The following CACNA1A variants were observed in gnomAD, a reference collection of about 807,000 sequenced individuals.
CACNA1A encodes calcium voltage-gated channel subunit alpha1 A.
CACNA1A carries 57 observed loss-of-function variants against 262.4 expected under a neutral mutation model. The observed-to-expected ratio is 0.22, with a 90% CI of 0.18 to 0.27. CACNA1A has a LOEUF of 0.27. CACNA1A is among the 10% of genes least tolerant of loss of function. CACNA1A has a pLI of 1.00. For synonymous variants in CACNA1A, 1,431 were observed against 1,419.3 expected (o/e 1.01, Z -0.18); for missense variants, 2,526 against 3,562.8 (o/e 0.71, Z 7.41).
In CACNA1A at chr19:13,397,715, A is replaced by G. The variant is rs573494797; in HGVS notation, c.540-25936T>C. 1.6e-4 allele frequency among the ~76,000 whole-genome samples: 24 copies of G among 152,286 alleles called. No homozygotes were observed. In the South Asian group the frequency reaches 4.2e-3, roughly 26 times the overall value. ...GATGCTCAGTTAGACTCCATTTCCC[A>G]GCTCTGCAAGTGGGTGCCGCCATGT... is the stretch of plus-strand genomic sequence containing the variant. On this transcript the variant is annotated intron_variant, in intron 3 of 46. Transcript: ENST00000360228.
At chr19:13,297,381 C>T (rs568471101) in intron 19 of CACNA1A, among the ~76,000 whole-genome samples, 1 of 152,300 alleles carries the variant, frequency 6.6e-6, no homozygotes, top group African/African-American at 2.4e-5. Context: ...TTGAGGAGCT[C>T]ACTCAATCTC....
intron 30 of CACNA1A, 200 bp downstream of exon 30, chr19:13,252,791 C>T: frequency 2.3e-6 from 1 of 436,300 alleles, no homozygotes; most frequent in Non-Finnish European, 4.1e-6. Context: ...CATATGGTAA[C>T]ACTCACAGGT....
intron 30 of CACNA1A, among the ~76,000 whole-genome samples, chr19:13,247,336 G>C (rs1036779769): frequency 3.0e-4 from 45 of 152,214 alleles, no homozygotes; most frequent in Admixed American, 2.9e-3. Context: ...GTGCGTCGCT[G>C]AGCATGGAAT....
At chr19:13,501,062 T>TATA (rs1875176485) in intron 1 of CACNA1A, among the ~76,000 whole-genome samples, 1 of 151,722 alleles carries the variant, frequency 6.6e-6, no homozygotes, top group Admixed American at 6.6e-5. Context: ...ACTGTGGGGG[T>TATA]ATTTTAGGGT....
chr19:13,437,637 G>A (rs1186065409), intron 3 of CACNA1A, among the ~76,000 whole-genome samples: 2 of 139,918 alleles, frequency 1.4e-5, no homozygotes, highest in Non-Finnish European at 3.0e-5. Context: ...GTTGCAGTGA[G>A]CCAAGATCAC....
chr19:13,327,597 G>A (rs1457081836), intron 10 of CACNA1A, among the ~76,000 whole-genome samples: 4 of 150,188 alleles, frequency 2.7e-5, no homozygotes, highest in African/African-American at 9.7e-5. Context: ...TTTTTTGATG[G>A]AGTTTCACTC....
At chr19:13,399,571 T>C (rs941731186) in intron 3 of CACNA1A, among the ~76,000 whole-genome samples, 1 of 152,168 alleles carries the variant, frequency 6.6e-6, no homozygotes, top group Non-Finnish European at 1.5e-5. Context: ...AATCCTCTAA[T>C]GAGCACGACC....
chr19:13,421,095 T>C (rs1183606616), intron 3 of CACNA1A, among the ~76,000 whole-genome samples: 1 of 152,116 alleles, frequency 6.6e-6, no homozygotes, highest in Admixed American at 6.6e-5. Flanking sequence ...TCAAGACCAG[T>C]TAAGTTTTGA....
intron 8 of CACNA1A, among the ~76,000 whole-genome samples, chr19:13,333,438 CTT>C (rs1035794429): frequency 6.7e-6 from 1 of 150,268 alleles, no homozygotes; most frequent in Non-Finnish European, 1.5e-5. Context: ...ACTTCCTACT[CTT>C]TTTTTTTTCT....
intron 17 of CACNA1A, 103 bp from the exon 18 acceptor site, chr19:13,300,759 C>T (rs1372044535): frequency 1.6e-5 from 14 of 893,776 alleles, no homozygotes; most frequent in Admixed American, 1.8e-5. Context: ...AATATTTCGA[C>T]CAATCAGAAC....
intron 6 of CACNA1A, among the ~76,000 whole-genome samples, chr19:13,338,828 C>T (rs530178267): frequency 4.5e-4 from 68 of 151,990 alleles, no homozygotes; most frequent in Non-Finnish European, 6.6e-4. Context: ...ACTTATAATC[C>T]GCGGATTTTT....
At chr19:13,295,483 C>T (rs2057644987) in intron 19 of CACNA1A, among the ~76,000 whole-genome samples, 2 of 145,604 alleles carry the variant, frequency 1.4e-5, no homozygotes, top group African/African-American at 5.1e-5. Context: ...TGGGTTTTTT[C>T]TTTCTTTCTT....
chr19:13,402,915 T>C (rs547827140), intron 3 of CACNA1A, among the ~76,000 whole-genome samples: 58 of 122,002 alleles, frequency 4.8e-4, no homozygotes, highest in African/African-American at 1.5e-3. Context: ...TATATATATA[T>C]ACTTGCAAGT....
intron 6 of CACNA1A, among the ~76,000 whole-genome samples, chr19:13,349,560 T>C (rs1024688695): frequency 6.6e-6 from 1 of 152,202 alleles, no homozygotes; most frequent in South Asian, 2.1e-4. Flanking sequence ...CCACCAGCTC[T>C]TGTCTCCAGC....
chr19:13,268,756 A>G (rs2056935670), intron 24 of CACNA1A, among the ~76,000 whole-genome samples: 1 of 151,400 alleles, frequency 6.6e-6, no homozygotes. Context: ...AAAACACAGA[A>G]TGGTTTAAAT....
chr19:13,378,517 C>T (rs1422878732), intron 3 of CACNA1A, among the ~76,000 whole-genome samples: 2 of 152,054 alleles, frequency 1.3e-5, no homozygotes, highest in East Asian at 1.9e-4. Context: ...ATGTCACAGG[C>T]ACCCCAATCT....
chr19:13,430,358 T>A (rs942664981), intron 3 of CACNA1A, among the ~76,000 whole-genome samples: 2 of 151,980 alleles, frequency 1.3e-5, no homozygotes, highest in Non-Finnish European at 2.9e-5. Flanking sequence ...AGGCGTGCAA[T>A]GCCACGCCCA....
chr19:13,419,729 T>C (rs1168491717), intron 3 of CACNA1A, among the ~76,000 whole-genome samples: 1 of 151,956 alleles, frequency 6.6e-6, no homozygotes, highest in African/African-American at 2.4e-5. Context: ...GATCTGTAGA[T>C]TTTGTTATCT....
At chr19:13,467,129 C>G (rs773833956) in intron 1 of CACNA1A, among the ~76,000 whole-genome samples, 8 of 151,982 alleles carry the variant, frequency 5.3e-5, no homozygotes, top group Non-Finnish European at 1.0e-4. Context: ...GGGGAAGCAG[C>G]CAGTACAAAG....
Sources: allele counts gnomAD v4.1 joint callset (sites outside exome capture counted in the v4.1 genomes callset), GRCh38; gene constraint gnomAD v4.1.1; transcripts MANE v1.5; gene names NCBI Gene and HGNC (gene_info 2026-07-23, HGNC 2026-07-21).